Variants in MAD1L1 observed in about 807,000 individuals in gnomAD.
The protein encoded by MAD1L1 is mitotic arrest deficient 1 like 1.
MAD1L1 carries 95 observed loss-of-function variants against 96.9 expected under a neutral mutation model. The observed-to-expected ratio is 0.98, with a 90% CI of 0.83 to 1.16. The LOEUF (loss-of-function observed/expected upper bound fraction) is 1.16, where lower values mean the gene tolerates loss of function less well. Ranked by LOEUF, MAD1L1 falls within the 50% of genes most tolerant of loss-of-function variation. The pLI, the probability that MAD1L1 is intolerant of heterozygous loss-of-function variation, is 0.00. For missense variants in MAD1L1, 1,007 were observed against 954.4 expected (o/e 1.06, Z -0.73); for synonymous variants, 473 against 396.6 (o/e 1.19, Z -2.29).
chr7:1,933,441 T>C (rs1257187930), intron 17 of MAD1L1, among the ~76,000 whole-genome samples: 1 of 152,156 alleles, frequency 6.6e-6, no homozygotes, highest in East Asian at 1.9e-4. Flanking sequence ...GGCCCACACC[T>C]GCATCTATCA....
At chr7:1,974,600 G>A (rs1411451660) in intron 15 of MAD1L1, among the ~76,000 whole-genome samples, 5 of 152,086 alleles carry the variant, frequency 3.3e-5, no homozygotes, top group Non-Finnish European at 5.9e-5. Flanking sequence ...AAATACAGAA[G>A]GTAGGACAAA....
At chr7:1,818,444 CATG>C (rs1259319920) in intron 18 of MAD1L1, among the ~76,000 whole-genome samples, 2 of 152,118 alleles carry the variant, frequency 1.3e-5, no homozygotes, top group Non-Finnish European at 2.9e-5. Flanking sequence ...AGTGCAGTGG[CATG>C]ATAACGGGTC....
At chr7:2,210,461 CGT>C (rs1562375224) in intron 10 of MAD1L1, among the ~76,000 whole-genome samples, 17 of 135,150 alleles carry the variant, frequency 1.3e-4, no homozygotes, top group African/African-American at 3.3e-4. Context: ...CTCTAGGAGC[CGT>C]ATTCGGGACC....
At chr7:2,228,437 G>C (rs541829967) in intron 3 of MAD1L1, among the ~76,000 whole-genome samples, 1 of 152,104 alleles carries the variant, frequency 6.6e-6, no homozygotes, top group South Asian at 2.1e-4. Flanking sequence ...ATTTTTAGTA[G>C]AGATGAGGTC....
intron 15 of MAD1L1, among the ~76,000 whole-genome samples, chr7:1,971,188 G>T (rs537097737): frequency 6.6e-6 from 1 of 152,344 alleles, no homozygotes; most frequent in African/African-American, 2.4e-5. Context: ...GGGGCCCACA[G>T]TGAGCCCCGC....
chr7:1,915,957 G>A (rs977075660), intron 17 of MAD1L1, among the ~76,000 whole-genome samples: 2 of 152,212 alleles, frequency 1.3e-5, no homozygotes, highest in African/African-American at 4.8e-5. Flanking sequence ...AGAAAGCATT[G>A]AGAAAATGAT....
At chr7:2,041,618 CCA>C (rs1297133206) in intron 12 of MAD1L1, among the ~76,000 whole-genome samples, 1 of 152,226 alleles carries the variant, frequency 6.6e-6, no homozygotes, top group Non-Finnish European at 1.5e-5. Flanking sequence ...TCTGTTTTCT[CCA>C]CTTTAACTTA....
intron 15 of MAD1L1, among the ~76,000 whole-genome samples, chr7:1,963,521 TACATGCAAATTC>T (rs1279961595): frequency 1.3e-5 from 2 of 152,172 alleles, no homozygotes; most frequent in Non-Finnish European, 2.9e-5. Flanking sequence ...TATGTGTGTG[TACATGCAAATTC>T]ACCACACTGC....
In MAD1L1 at chr7:1,929,227, C is replaced by G. The variant is rs146323056; in HGVS notation, c.1807+7460G>C. Among the ~76,000 whole-genome samples, 442 of 152,242 alleles carry G rather than the reference C, an allele frequency of 2.9e-3. 4 individuals carry two copies. The highest frequency in any genetic ancestry group is 5.0e-3 in the Non-Finnish European group (340 of 68,000). On this transcript the variant is annotated intron_variant, in intron 17 of 18. Coordinates refer to ENST00000265854, the MANE Select transcript of MAD1L1 (RefSeq NM_001013836.2). ...CCTGGTATCTCTTCTCCCTCTTCCT[C>G]GCTCCTCCATCCTCCCCCTGCCTCC...
rs932202828 is a variant in MAD1L1, at chr7:1,960,840, TC to T, written c.1506-3122del. ...CGACTCTTAAGAGCAGGAGACCCAG[TC>T]TTTTCAGGAGCACTTGAACTATGTA... On this transcript the variant is annotated intron_variant, in intron 15 of 18. Coordinates refer to ENST00000265854, the MANE Select transcript of MAD1L1 (RefSeq NM_001013836.2). Among the ~76,000 whole-genome samples, 14 of 152,310 alleles carry T rather than the reference TC, an allele frequency of 9.2e-5. No homozygotes were observed. The South Asian group carries it at 1.9e-3, about 20-fold the overall frequency.
rs1047023095 is a variant in MAD1L1, at chr7:1,938,436, C to A, written c.1597-1539G>T. Among the ~76,000 whole-genome samples the A allele has an allele frequency of 2.0e-5, 3 of 152,132 alleles. No homozygotes were observed. In the East Asian group the frequency reaches 5.8e-4, roughly 29 times the overall value. ...AAGAAAAAAAAAAGAGTACAACTGACCTTATAGAAATTAAGAACTTCATCC... is the reference window on the plus strand; with the variant it reads ...AAGAAAAAAAAAAGAGTACAACTGAACTTATAGAAATTAAGAACTTCATCC... On this transcript the variant is annotated intron_variant, in intron 16 of 18. Coordinates refer to ENST00000265854, the MANE Select transcript of MAD1L1 (RefSeq NM_001013836.2).
chr7:1,829,451 TG>T (rs1782594762), intron 18 of MAD1L1: 1 of 152,204 alleles, frequency 6.6e-6, no homozygotes, highest in African/African-American at 2.4e-5. Flanking sequence ...GACGGCCACA[TG>T]GGTGTACCTG....
At chr7:2,194,940 T>C (rs907555368) in intron 10 of MAD1L1, among the ~76,000 whole-genome samples, 4 of 151,882 alleles carry the variant, frequency 2.6e-5, no homozygotes, top group African/African-American at 9.7e-5. Context: ...ATACAAAAAT[T>C]AGCCAGGCGT....
intron 11 of MAD1L1, among the ~76,000 whole-genome samples, chr7:2,087,083 C>T (rs1423328396): frequency 6.6e-6 from 1 of 152,168 alleles, no homozygotes; most frequent in Non-Finnish European, 1.5e-5. Context: ...AAAACGTACC[C>T]ACATGGCTGC....
intron 12 of MAD1L1, among the ~76,000 whole-genome samples, chr7:2,032,405 C>T (rs1283611582): frequency 6.6e-6 from 1 of 152,216 alleles, no homozygotes; most frequent in African/African-American, 2.4e-5. Flanking sequence ...GCTTGCCCAG[C>T]CCTGGGCTCT....
At chr7:1,980,608 C>T in intron 14 of MAD1L1, 67 bp from the exon 15 acceptor site, 1 of 1,342,948 alleles carries the variant, frequency 7.4e-7, no homozygotes, top group South Asian at 1.2e-5. Flanking sequence ...GGAACCCCAG[C>T]CCAGGCCCCT....
chr7:2,215,168 A>G (rs368628525), intron 9 of MAD1L1, among the ~76,000 whole-genome samples: 32 of 152,274 alleles, frequency 2.1e-4, no homozygotes, highest in African/African-American at 7.5e-4. Flanking sequence ...CACGAGTTCC[A>G]AGAGATCAAG....
At chr7:2,179,397 G>A (rs574132326) in intron 10 of MAD1L1, among the ~76,000 whole-genome samples, 1 of 151,370 alleles carries the variant, frequency 6.6e-6, no homozygotes, top group African/African-American at 2.4e-5. Context: ...GCATGGTGGC[G>A]CATGCCTGTA....
chr7:2,001,868 G>A (rs999238502), intron 14 of MAD1L1, among the ~76,000 whole-genome samples, 197 bp downstream of exon 14: 2 of 152,166 alleles, frequency 1.3e-5, no homozygotes, highest in Admixed American at 6.5e-5. Context: ...GCTCCCCGCC[G>A]GCGCATGCCA....
Sources: gnomAD v4.1 joint callset for allele counts (sites outside exome capture counted in the v4.1 genomes callset) on GRCh38, gnomAD v4.1.1 for gene constraint, MANE v1.5 for transcripts, NCBI Gene and HGNC (gene_info 2026-07-23, HGNC 2026-07-21) for gene names.